NBEA: variants seen among roughly 807,000 people sequenced by gnomAD.
NBEA encodes the protein lysosomal-trafficking regulator 2.
NBEA carries 44 observed loss-of-function variants against 343.4 expected under a neutral mutation model. The observed-to-expected ratio is 0.13, with a 90% CI of 0.10 to 0.16. The LOEUF (loss-of-function observed/expected upper bound fraction) is 0.16. Ranked by LOEUF, NBEA falls within the 10% of genes least tolerant of loss-of-function variation. The pLI, the probability that NBEA is intolerant of heterozygous loss-of-function variation, is 1.00. For synonymous variants in NBEA, 1,175 were observed against 1,238.7 expected, an observed-to-expected ratio of 0.95 and a Z score of 1.08; for missense variants, 2,555 against 3,631.3, an observed-to-expected ratio of 0.70 and a Z score of 7.62.
intron 36 of NBEA, among the ~76,000 whole-genome samples, chr13:35,348,056 A>G (rs780971120): frequency 6.6e-6 from 1 of 152,112 alleles, no homozygotes; most frequent in Non-Finnish European, 1.5e-5. Flanking sequence ...ACAGGAAGTC[A>G]CAGGGCAAGT....
At chr13:35,150,793 T>TTAAAGTAGAGTAGAG (rs2068727002) in intron 18 of NBEA, among the ~76,000 whole-genome samples, 1 of 148,240 alleles carries the variant, frequency 6.7e-6, no homozygotes, top group African/African-American at 2.5e-5. Context: ...TAATGATATT[T>TTAAAGTAGAGTAGAG]TAGAGTAGAG....
intron 46 of NBEA, among the ~76,000 whole-genome samples, chr13:35,584,511 T>C (rs951088587): frequency 6.6e-6 from 1 of 151,356 alleles, no homozygotes; most frequent in Admixed American, 6.6e-5. Context: ...CTTCTTTTTT[T>C]TTTTTTGAGA....
chr13:35,452,468 A>AT (rs1315661818), intron 40 of NBEA, among the ~76,000 whole-genome samples: 1 of 152,168 alleles, frequency 6.6e-6, no homozygotes. Flanking sequence ...ATGAAGAGCA[A>AT]TTTTTTATAT....
intron 10 of NBEA, 135 bp from the exon 11 acceptor site, chr13:35,098,162 A>G (rs546432520): frequency 1.7e-6 from 1 of 587,028 alleles, no homozygotes; most frequent in Non-Finnish European, 3.0e-6. Context: ...AATATAAGGC[A>G]TAATAGTCAT....
intron 36 of NBEA, among the ~76,000 whole-genome samples, chr13:35,324,129 A>T (rs1013253142): frequency 5.9e-5 from 9 of 152,216 alleles, no homozygotes; most frequent in African/African-American, 2.2e-4. Context: ...AAGTGAATTA[A>T]CAGGGGCTAC....
At chr13:35,456,997 G>T (rs542972859) in intron 40 of NBEA, among the ~76,000 whole-genome samples, 2 of 148,772 alleles carry the variant, frequency 1.3e-5, no homozygotes, top group African/African-American at 4.9e-5. Flanking sequence ...TATATATATA[G>T]ATATATAGAT....
chr13:35,375,711 A>G (rs1487005932), intron 38 of NBEA, among the ~76,000 whole-genome samples: 2 of 152,190 alleles, frequency 1.3e-5, no homozygotes, highest in Admixed American at 6.5e-5. Context: ...AAATCATAGC[A>G]TTTGTGATGC....
intron 34 of NBEA, among the ~76,000 whole-genome samples, chr13:35,277,909 A>G (rs2034741087): frequency 6.6e-6 from 1 of 151,388 alleles, no homozygotes. Flanking sequence ...CAACATGGCA[A>G]AACCCCATCT....
chr13:34,982,717 AC>A (rs1279362456), intron 1 of NBEA, among the ~76,000 whole-genome samples: 1 of 152,202 alleles, frequency 6.6e-6, no homozygotes, highest in African/African-American at 2.4e-5. Flanking sequence ...TGGTGAAAAC[AC>A]CATGAACACT....
intron 41 of NBEA, among the ~76,000 whole-genome samples, chr13:35,480,058 GAAA>G (rs35107997): frequency 7.3e-6 from 1 of 136,350 alleles, no homozygotes. Context: ...TACCAGTTAG[GAAA>G]AAAAAAAAAA....
At chr13:35,561,011 C>G (rs2079833864) in intron 44 of NBEA, among the ~76,000 whole-genome samples, 1 of 152,136 alleles carries the variant, frequency 6.6e-6, no homozygotes, top group South Asian at 2.1e-4. Context: ...TAAGAACTCC[C>G]CATTTGATGC....
At chr13:35,372,348 G>C (rs1276472017) in intron 38 of NBEA, among the ~76,000 whole-genome samples, 1 of 152,108 alleles carries the variant, frequency 6.6e-6, no homozygotes, top group Admixed American at 6.5e-5. Flanking sequence ...AAATTGGGTG[G>C]GCCCATCCTT....
intron 38 of NBEA, among the ~76,000 whole-genome samples, chr13:35,412,665 A>G (rs2043660232): frequency 6.6e-6 from 1 of 152,132 alleles, no homozygotes; most frequent in Non-Finnish European, 1.5e-5. Flanking sequence ...TACTCTATGT[A>G]TATCATAGTT....
chr13:35,091,647 A>G (rs2065085816), intron 10 of NBEA, among the ~76,000 whole-genome samples: 1 of 151,986 alleles, frequency 6.6e-6, no homozygotes. Context: ...GTATTTCTTT[A>G]TATTAACAAT....
At chr13:35,119,078 T>A (rs2066655523) in intron 16 of NBEA, among the ~76,000 whole-genome samples, 1 of 152,086 alleles carries the variant, frequency 6.6e-6, no homozygotes, top group African/African-American at 2.4e-5. Flanking sequence ...ATAATAGAGA[T>A]GAAAGATGTT....
intron 30 of NBEA, among the ~76,000 whole-genome samples, chr13:35,193,505 T>C (rs1345282048): frequency 6.6e-6 from 1 of 151,908 alleles, no homozygotes; most frequent in Non-Finnish European, 1.5e-5. Context: ...AACCTAGATA[T>C]TTCAGAAATA....
chr13:35,634,955 A>C (rs2083631616), intron 49 of NBEA, among the ~76,000 whole-genome samples: 3 of 152,084 alleles, frequency 2.0e-5, no homozygotes, highest in Admixed American at 2.0e-4. Flanking sequence ...CCTTGCTACT[A>C]CAGAGAATTG....
chr13:35,482,966 A>G (rs1458974585), intron 41 of NBEA, among the ~76,000 whole-genome samples: 1 of 151,890 alleles, frequency 6.6e-6, no homozygotes, highest in Non-Finnish European at 1.5e-5. Flanking sequence ...ATATCAAAAG[A>G]TCTTTAGACT....
chr13:35,596,507 A>G (rs924078346), intron 47 of NBEA, among the ~76,000 whole-genome samples: 2 of 152,120 alleles, frequency 1.3e-5, no homozygotes, highest in Admixed American at 6.6e-5. Flanking sequence ...GTCTGTCTCT[A>G]TTAATGTCAG....
Sources: gnomAD v4.1 joint callset for allele counts (sites outside exome capture counted in the v4.1 genomes callset) on GRCh38, gnomAD v4.1.1 for gene constraint, MANE v1.5 for transcripts, NCBI Gene and HGNC (gene_info 2026-07-23, HGNC 2026-07-21) for gene names.